Variants in BICD1 observed in about 807,000 individuals in gnomAD.
BICD1 encodes the protein BICD cargo adaptor 1, also known as protein bicaudal D homolog 1.
Under a neutral mutation model 92.5 loss-of-function variants are expected in BICD1, and 35 were observed. The observed-to-expected ratio is 0.38, with a 90% CI of 0.29 to 0.50. The LOEUF (loss-of-function observed/expected upper bound fraction) is 0.50, where lower values mean the gene tolerates loss of function less well. Ranked by LOEUF, BICD1 falls within the 20% of genes least tolerant of loss-of-function variation. BICD1 has a pLI of 0.93. For synonymous variants in BICD1, 429 were observed against 465.1 expected, an observed-to-expected ratio of 0.92 and a Z score of 1.00; for missense variants, 950 against 1,189.8, an observed-to-expected ratio of 0.80 and a Z score of 2.97.
intron 4 of BICD1, among the ~76,000 whole-genome samples, chr12:32,314,056 A>G (rs1402894943): frequency 6.6e-6 from 1 of 152,244 alleles, no homozygotes; most frequent in East Asian, 1.9e-4. Flanking sequence ...TTCACTTAGC[A>G]TAACATTTTA....
At chr12:32,254,104 A>G (rs1482360502) in intron 2 of BICD1, among the ~76,000 whole-genome samples, 4 of 142,646 alleles carry the variant, frequency 2.8e-5, no homozygotes, top group African/African-American at 1.1e-4. Context: ...CGTCATATTC[A>G]CTGCCATATC....
intron 9 of BICD1, among the ~76,000 whole-genome samples, chr12:32,376,984 G>C (rs1348516489): frequency 6.6e-6 from 1 of 151,906 alleles, no homozygotes; most frequent in East Asian, 1.9e-4. Context: ...CTTTATCCTA[G>C]TGAATCTGGA....
intron 1 of BICD1, among the ~76,000 whole-genome samples, chr12:32,215,146 T>G (rs985980932): frequency 6.6e-6 from 1 of 152,130 alleles, no homozygotes; most frequent in African/African-American, 2.4e-5. Flanking sequence ...GGAGAATTGC[T>G]TGAACCCAGG....
At chr12:32,278,080 G>A (rs946086073) in intron 2 of BICD1, among the ~76,000 whole-genome samples, 2 of 152,126 alleles carry the variant, frequency 1.3e-5, no homozygotes, top group African/African-American at 2.4e-5. Context: ...CAGGTCACAG[G>A]TAAGTCTATG....
chr12:32,193,525 C>A (rs1944634961), intron 1 of BICD1, among the ~76,000 whole-genome samples: 1 of 152,072 alleles, frequency 6.6e-6, no homozygotes, highest in Admixed American at 6.6e-5. Context: ...CAGAGGTATA[C>A]CTGTATTATA....
intron 2 of BICD1, among the ~76,000 whole-genome samples, chr12:32,239,359 G>A (rs1946170598): frequency 2.0e-5 from 3 of 151,222 alleles, no homozygotes; most frequent in Admixed American, 6.6e-5. Flanking sequence ...CTGAGGTCAG[G>A]AGTTTGAGAC....
intron 2 of BICD1, among the ~76,000 whole-genome samples, chr12:32,260,152 C>T (rs1247709112): frequency 6.6e-6 from 1 of 152,082 alleles, no homozygotes; most frequent in African/African-American, 2.4e-5. Context: ...CTCGAACTCC[C>T]CACCTCAGAT....
intron 1 of BICD1, among the ~76,000 whole-genome samples, chr12:32,187,954 T>TC (rs1295655100): frequency 6.6e-6 from 1 of 152,006 alleles, no homozygotes; most frequent in Non-Finnish European, 1.5e-5. Flanking sequence ...ATTTTTTTTT[T>TC]TTTAGACGGA....
chr12:32,215,406 T>C (rs187997031), intron 1 of BICD1, among the ~76,000 whole-genome samples: 16 of 152,324 alleles, frequency 1.1e-4, no homozygotes, highest in African/African-American at 3.8e-4. Context: ...TATGTTTTCT[T>C]ATACAGAGAT....
At chr12:32,172,774 C>A (rs964131789) in intron 1 of BICD1, among the ~76,000 whole-genome samples, 3 of 152,204 alleles carry the variant, frequency 2.0e-5, no homozygotes, top group African/African-American at 7.2e-5. Context: ...AGTTCCAGAA[C>A]TGGGGATCCA....
rs1347825242 is a variant in BICD1, at chr12:32,378,207, A to G, written c.*580A>G. On this transcript the variant is annotated 3_prime_UTR_variant, in exon 10 of 10. Transcript: ENST00000652176. ...GCCAGACTGTGGTCATTTTTCTTGC[A>G]CAAAATGATAAATGAGGTGCATCAG... 6.6e-6 allele frequency: 1 copy of G among 152,342 alleles called. No individual in the cohort carries two copies. The highest frequency in any genetic ancestry group is 2.4e-5 in the African/African-American group (1 of 41,464). 9.4% of individuals were successfully genotyped at this position (152,342 alleles called of 1,614,324 possible).
chr12:32,333,173 T>C, intron 5 of BICD1: 1 of 984,250 alleles, frequency 1.0e-6, no homozygotes. Context: ...TAAACATACT[T>C]TTCTGTTTTA....
At chr12:32,234,635 G>A (rs1946007492) in intron 2 of BICD1, among the ~76,000 whole-genome samples, 1 of 141,382 alleles carries the variant, frequency 7.1e-6, no homozygotes, top group South Asian at 2.4e-4. Flanking sequence ...AGAAAGAAAA[G>A]CAGAATTATA....
At chr12:32,175,747 C>A (rs1225193469) in intron 1 of BICD1, among the ~76,000 whole-genome samples, 1 of 152,166 alleles carries the variant, frequency 6.6e-6, no homozygotes. Flanking sequence ...TCACCTATTT[C>A]AAGATGATTT....
intron 1 of BICD1, among the ~76,000 whole-genome samples, chr12:32,178,579 T>C (rs1313337142): frequency 6.6e-6 from 1 of 152,018 alleles, no homozygotes; most frequent in African/African-American, 2.4e-5. Context: ...TCAGCAAATT[T>C]GTCTGTGATT....
chr12:32,187,995 A>G (rs1486226211), intron 1 of BICD1, among the ~76,000 whole-genome samples: 1 of 151,802 alleles, frequency 6.6e-6, no homozygotes, highest in Non-Finnish European at 1.5e-5. Flanking sequence ...CTAGAGTGCA[A>G]TGGCACGATC....
At chr12:32,136,902 A>G (rs966184333) in intron 1 of BICD1, among the ~76,000 whole-genome samples, 5 of 152,148 alleles carry the variant, frequency 3.3e-5, no homozygotes, top group Admixed American at 2.6e-4. Flanking sequence ...TTCTTAAGAA[A>G]TTAAGAAGGT....
chr12:32,242,766 C>T (rs900781348), intron 2 of BICD1, among the ~76,000 whole-genome samples: 1 of 152,080 alleles, frequency 6.6e-6, no homozygotes, highest in African/African-American at 2.4e-5. Context: ...ATCTACTGAT[C>T]GTTTCTTATG....
Position 32,328,597 on chromosome 12 carries a change from T to C in BICD1, c.2100+42T>C. On this transcript the variant is annotated intron_variant, in intron 5 of 9. Coordinates refer to ENST00000652176, the MANE Select transcript of BICD1 (RefSeq NM_001714.4). The surrounding 1 kb of genome is among the most constrained non-coding windows in gnomAD (Gnocchi z 4.4). ...GGTGAAAGCATGCCAGTCAAAGCTTTCTTAACTAATTTATTCCCTAATTTT... is the reference window on the plus strand; with the variant it reads ...GGTGAAAGCATGCCAGTCAAAGCTTCCTTAACTAATTTATTCCCTAATTTT... 6.4e-7 allele frequency: 1 copy of C among 1,565,240 alleles called. No homozygotes were observed. The highest frequency in any genetic ancestry group is 8.7e-7 in the Non-Finnish European group (1 of 1,155,910).
Sources: allele counts gnomAD v4.1 joint callset (sites outside exome capture counted in the v4.1 genomes callset), GRCh38; gene constraint gnomAD v4.1.1; non-coding constraint Gnocchi (gnomAD v3.1); transcripts MANE v1.5; gene names NCBI Gene and HGNC (gene_info 2026-07-23, HGNC 2026-07-21).